Variants in RBL1 observed in about 807,000 individuals in gnomAD.
The protein encoded by RBL1 is retinoblastoma-like protein 1.
RBL1 carries 82 observed loss-of-function variants against 123.0 expected under a neutral mutation model. The observed-to-expected ratio is 0.67, with a 90% confidence interval of 0.56 to 0.80. The LOEUF is 0.80. RBL1 is among the 30% of genes least tolerant of loss of function. RBL1 has a pLI of 0.00. For synonymous variants in RBL1, 405 were observed against 441.3 expected, an observed-to-expected ratio of 0.92 and a Z score of 1.03; for missense variants, 1,171 against 1,299.6, an observed-to-expected ratio of 0.90 and a Z score of 1.52.
At chr20:37,061,975 T>C (rs956736873) in intron 8 of RBL1, 109 bp downstream of exon 8, 3 of 1,237,272 alleles carry the variant, frequency 2.4e-6, no homozygotes, top group Admixed American at 2.7e-5. Flanking sequence ...AAATATGAAT[T>C]AGTAGAAGAA....
chr20:37,081,578 A>AC (rs34982013), intron 2 of RBL1, among the ~76,000 whole-genome samples: 20 of 151,084 alleles, frequency 1.3e-4, no homozygotes, highest in Admixed American at 7.3e-4. Flanking sequence ...GGACAGCTTG[A>AC]CCCCCCCAAG....
intron 13 of RBL1, among the ~76,000 whole-genome samples, chr20:37,042,027 C>A (rs1414509279): frequency 1.4e-5 from 2 of 142,884 alleles, no homozygotes; most frequent in African/African-American, 5.1e-5. Flanking sequence ...GAGCCGAGAT[C>A]ACGCCACCGC....
chr20:37,013,918 A>G (rs1442081228), intron 19 of RBL1, among the ~76,000 whole-genome samples: 2 of 152,146 alleles, frequency 1.3e-5, no homozygotes, highest in Non-Finnish European at 2.9e-5. Context: ...TTATTTTACA[A>G]CTCATAATGA....
intron 14 of RBL1, among the ~76,000 whole-genome samples, chr20:37,038,892 C>T (rs1237249265): frequency 7.2e-5 from 11 of 152,174 alleles, no homozygotes; most frequent in Admixed American, 2.0e-4. Flanking sequence ...TGTGAGCCAC[C>T]GCACCTGGCC....
At chr20:37,010,184 C>T (rs1453851198) in intron 19 of RBL1, among the ~76,000 whole-genome samples, 1 of 151,858 alleles carries the variant, frequency 6.6e-6, no homozygotes, top group Admixed American at 6.6e-5. Flanking sequence ...ACAGTGAGAC[C>T]CCATCTCGGT....
At chr20:37,045,209 C>A (rs1000989135) in intron 12 of RBL1, among the ~76,000 whole-genome samples, 3 of 151,804 alleles carry the variant, frequency 2.0e-5, no homozygotes, top group African/African-American at 7.3e-5. Flanking sequence ...CAGGTTCAAG[C>A]GATTCTCCTG....
Position 37,032,694 on chromosome 20 carries a change from T to C in RBL1, c.2353A>G (p.Thr785Ala). Residue 785 changes from threonine to alanine, a missense_variant, in exon 16 of 22, where the codon ACT (threonine) becomes GCT (alanine). By Grantham distance (58) the Thr-to-Ala change is moderately conservative (BLOSUM62 0). Transcript: ENST00000373664. ...CTGTAAAATAGTGCTAAGGACCCAG[T>C]TCTCTTTGGCCTGTTTATTCCAGTT... ...HSTGINRPKR[T>A]GSLALFYRKV... 1 of 1,614,078 alleles carries C rather than the reference T, an allele frequency of 6.2e-7. No individual in the cohort carries two copies. Among genetic ancestry groups the C allele is most frequent in the Non-Finnish European group, 8.5e-7 (1 of 1,179,982 alleles).
chr20:37,077,153 TCTCAAAC>T (rs941791191), intron 2 of RBL1, among the ~76,000 whole-genome samples: 7 of 152,120 alleles, frequency 4.6e-5, no homozygotes, highest in African/African-American at 1.4e-4. Context: ...GTCAGGCTGG[TCTCAAAC>T]GCCTGACCTC....
Position 37,066,742 on chromosome 20 carries a change from T to C in RBL1, c.828A>G (p.Ser276=), listed in dbSNP as rs752990073. The change falls in exon 6 of 22, where the codon TCA becomes TCG. Residue 276 remains serine (S), a synonymous_variant. Transcript: ENST00000373664. Reference sequence around the variant, plus strand: ...ACAGTACCTTCCTGTCAAAGAGTTTTGAAATATATGGCTTAAAGTAGTGCT... The same window carrying C: ...ACAGTACCTTCCTGTCAAAGAGTTTCGAAATATATGGCTTAAAGTAGTGCT... ...IKEHYFKPYI[S]KLFDRKILKG... 3.7e-6 allele frequency: 6 copies of C among 1,613,134 alleles called. No homozygotes were observed. The South Asian group carries it at 4.4e-5, about 12-fold the overall frequency.
Position 37,044,243 on chromosome 20 carries a change from T to G in RBL1, c.1613A>C (p.Glu538Ala). ...CCCCTCTTCTGAGCGGATCACCACCTCAATAACCTGCAGAGGAGAAAGTGA... is the reference window on the plus strand; with the variant it reads ...CCCCTCTTCTGAGCGGATCACCACCGCAATAACCTGCAGAGGAGAAAGTGA... ...LQPFYFYKVIEVVIRSEEGLS... is the reference protein window; with the variant it reads ...LQPFYFYKVIAVVIRSEEGLS... Residue 538 changes from glutamate to alanine, a missense_variant, in exon 13 of 22, where the codon GAG (glutamate) becomes GCG (alanine). Coordinates refer to ENST00000373664, the MANE Select transcript of RBL1 (RefSeq NM_002895.5). 6.2e-7 allele frequency: 1 copy of G among 1,613,628 alleles called. No homozygotes were observed.
At position 36,998,631 on chromosome 20, in the gene RBL1, T is replaced by C. The variant is rs2063914477; in HGVS notation, c.*128A>G. ...ATAAATATTTTAAAAAGCACATAAT[T>C]TTTGTGCAATTTTTTCTTATAACCC... On this transcript the variant is annotated 3_prime_UTR_variant, in exon 22 of 22. Transcript: ENST00000373664. The C allele has an allele frequency of 1.3e-6, 1 of 782,394 alleles. No homozygotes were observed. The highest frequency in any genetic ancestry group is 1.9e-6 in the Non-Finnish European group (1 of 520,200). The allele number at this position is 782,394 out of a possible 1,614,324, so 48.5% of individuals were successfully genotyped here. A position where few individuals can be genotyped will look rare whatever the true frequency, so the allele number is the denominator to read the frequency against.
At chr20:37,031,036 ACT>A (rs1180320127) in intron 16 of RBL1, among the ~76,000 whole-genome samples, 1 of 151,910 alleles carries the variant, frequency 6.6e-6, no homozygotes, top group Admixed American at 6.6e-5. Context: ...ATAAAGTGAG[ACT>A]CTGTCTCAAA....
intron 2 of RBL1, among the ~76,000 whole-genome samples, chr20:37,074,699 C>T (rs144256944): frequency 6.6e-6 from 1 of 152,142 alleles, no homozygotes; most frequent in African/African-American, 2.4e-5. Context: ...GTGGTTCACG[C>T]CTGTAATCCC....
chr20:37,043,989 A>C (rs768468550), intron 13 of RBL1, 97 bp downstream of exon 13: 2 of 982,528 alleles, frequency 2.0e-6, no homozygotes, highest in Non-Finnish European at 2.9e-6. Flanking sequence ...TACACTTAAA[A>C]TGGGTGAACT....
chr20:37,068,579 C>G (rs1264668695), intron 2 of RBL1, among the ~76,000 whole-genome samples: 1 of 151,936 alleles, frequency 6.6e-6, no homozygotes, highest in Admixed American at 6.6e-5. Flanking sequence ...CCAGGATCAC[C>G]AGGGGAATAC....
chr20:37,027,823 T>C (rs1239946807), intron 16 of RBL1, among the ~76,000 whole-genome samples: 7 of 152,322 alleles, frequency 4.6e-5, no homozygotes, highest in African/African-American at 1.7e-4. Flanking sequence ...AGCACCTTCT[T>C]AGCTCACTGC....
At chr20:37,027,183 C>CAA (rs530944998) in intron 16 of RBL1, among the ~76,000 whole-genome samples, 34 of 141,490 alleles carry the variant, frequency 2.4e-4, no homozygotes, top group African/African-American at 4.9e-4. Context: ...CCATTTCTAC[C>CAA]AAAAAAAAAA....
chr20:37,078,171 T>C (rs1214439389), intron 2 of RBL1, among the ~76,000 whole-genome samples: 1 of 152,214 alleles, frequency 6.6e-6, no homozygotes, highest in Non-Finnish European at 1.5e-5. Flanking sequence ...CAGAGGATCA[T>C]ATCCATTAGT....
intron 2 of RBL1, among the ~76,000 whole-genome samples, chr20:37,080,395 G>T (rs1442362462): frequency 1.3e-5 from 2 of 151,104 alleles, no homozygotes; most frequent in African/African-American, 4.9e-5. Context: ...GGCCTCAAGT[G>T]ATCTGCCCAT....
Sources: allele counts gnomAD v4.1 joint callset (sites outside exome capture counted in the v4.1 genomes callset), GRCh38; gene constraint gnomAD v4.1.1; transcripts MANE v1.5; gene names NCBI Gene and HGNC (gene_info 2026-07-23, HGNC 2026-07-21).